The following RBFOX3 variants were observed in gnomAD, a reference collection of about 807,000 sequenced individuals.
The protein encoded by RBFOX3 is RNA binding fox-1 homolog 3.
Under a neutral mutation model 48.7 loss-of-function variants are expected in RBFOX3, and 17 were observed. The ratio of observed to expected loss-of-function variants is 0.35; its 90% confidence interval spans 0.24 to 0.52. The LOEUF (loss-of-function observed/expected upper bound fraction) is 0.52, where lower values mean the gene tolerates loss of function less well. Among genes scored for constraint, RBFOX3 ranks in the 20% least tolerant of loss-of-function variants. The pLI, the probability that RBFOX3 is intolerant of heterozygous loss-of-function variation, is 0.94. For synonymous variants in RBFOX3, 212 were observed against 209.5 expected, an observed-to-expected ratio of 1.01 and a Z score of -0.10; for missense variants, 382 against 497.5, an observed-to-expected ratio of 0.77 and a Z score of 2.21.
At chr17:79,395,623 G>A (rs1468065245) in intron 2 of RBFOX3, among the ~76,000 whole-genome samples, 3 of 152,218 alleles carry the variant, frequency 2.0e-5, no homozygotes, top group African/African-American at 7.2e-5. Flanking sequence ...TGTGTGCCGG[G>A]CACTGATCCA....
intron 1 of RBFOX3, among the ~76,000 whole-genome samples, chr17:79,536,109 C>T (rs1255368657): frequency 1.3e-5 from 2 of 152,200 alleles, no homozygotes; most frequent in African/African-American, 4.8e-5. Context: ...GACACCCTCA[C>T]TCTGTCACCC....
chr17:79,374,160 G>A (rs1286867247), intron 2 of RBFOX3, among the ~76,000 whole-genome samples: 19 of 152,208 alleles, frequency 1.2e-4, no homozygotes, highest in Non-Finnish European at 1.5e-5. Context: ...ACCTCGCCTG[G>A]CTTTGTGATG....
chr17:79,622,150 T>C, the RBFOX3 span, among the ~76,000 whole-genome samples: 1 of 152,030 alleles, frequency 6.6e-6, no homozygotes. Flanking sequence ...TTACTAGGTA[T>C]ACACAGGCTA....
At chr17:79,400,476 T>C (rs1323557051) in intron 2 of RBFOX3, among the ~76,000 whole-genome samples, 2 of 152,202 alleles carry the variant, frequency 1.3e-5, no homozygotes, top group East Asian at 1.9e-4. Flanking sequence ...CATCTTTACC[T>C]GATTACATCC....
At chr17:79,264,973 G>C (rs1014509464) in intron 3 of RBFOX3, among the ~76,000 whole-genome samples, 11 of 151,962 alleles carry the variant, frequency 7.2e-5, no homozygotes, top group African/African-American at 2.4e-4. Context: ...GGAGGGGGGG[G>C]GGGCGCAGAT....
At chr17:79,578,184 C>T (rs1267591393) in intron 1 of RBFOX3, among the ~76,000 whole-genome samples, 2 of 152,230 alleles carry the variant, frequency 1.3e-5, no homozygotes, top group South Asian at 2.1e-4. Flanking sequence ...TTCTCTTACC[C>T]GTGGGGGATT....
chr17:79,636,606 T>C, the RBFOX3 span, among the ~76,000 whole-genome samples: 2 of 152,156 alleles, frequency 1.3e-5, no homozygotes, highest in African/African-American at 4.8e-5. Context: ...TTAAATGGAC[T>C]ATTATAACTA....
At chr17:79,114,212 A>C (rs1349663471) in intron 5 of RBFOX3, among the ~76,000 whole-genome samples, 1 of 152,180 alleles carries the variant, frequency 6.6e-6, no homozygotes, top group Non-Finnish European at 1.5e-5. Flanking sequence ...TTCTAAGCAC[A>C]CACAGGGCGT....
chr17:79,539,274 C>T (rs1254156750), intron 1 of RBFOX3, among the ~76,000 whole-genome samples: 2 of 152,116 alleles, frequency 1.3e-5, no homozygotes, highest in African/African-American at 2.4e-5. Flanking sequence ...ATCACTTGAG[C>T]CCAGGGGGTC....
chr17:79,215,175 C>T (rs2058864232), intron 4 of RBFOX3, among the ~76,000 whole-genome samples: 1 of 152,226 alleles, frequency 6.6e-6, no homozygotes, highest in South Asian at 2.1e-4. Flanking sequence ...GAGGGAGGTG[C>T]TGGCCCCCGC....
At chr17:79,661,802 G>C in the RBFOX3 span, among the ~76,000 whole-genome samples, 9 of 152,224 alleles carry the variant, frequency 5.9e-5, no homozygotes, top group African/African-American at 2.2e-4. Context: ...CCAGTGTCTA[G>C]ATGGCAGTAT....
At chr17:79,496,292 G>A (rs1189693008) in intron 1 of RBFOX3, among the ~76,000 whole-genome samples, 4 of 151,944 alleles carry the variant, frequency 2.6e-5, no homozygotes, top group Non-Finnish European at 5.9e-5. Context: ...CGCTCCTAAA[G>A]GCCCCCCACC....
chr17:79,294,428 A>T (rs1256898056), intron 3 of RBFOX3, among the ~76,000 whole-genome samples: 1 of 152,068 alleles, frequency 6.6e-6, no homozygotes, highest in Non-Finnish European at 1.5e-5. Flanking sequence ...CTCTTGCCTC[A>T]GCCTCCCGAG....
chr17:79,293,447 CCTTCCTTCCTTCCTT>C (rs1407425001), intron 3 of RBFOX3, among the ~76,000 whole-genome samples: 3 of 90,870 alleles, frequency 3.3e-5, no homozygotes, highest in African/African-American at 1.5e-4. Context: ...TTCCTTCCTT[CCTTCCTTCCTTCCTT>C]CCTTCCCTTC....
At chr17:79,474,452 G>A (rs1452121783) in intron 2 of RBFOX3, among the ~76,000 whole-genome samples, 3 of 152,232 alleles carry the variant, frequency 2.0e-5, no homozygotes, top group South Asian at 2.1e-4. Flanking sequence ...TTCCCTCAAC[G>A]GATGGTGACA....
At chr17:79,303,983 G>A (rs200428059) in intron 3 of RBFOX3, among the ~76,000 whole-genome samples, 4 of 152,138 alleles carry the variant, frequency 2.6e-5, no homozygotes, top group African/African-American at 7.2e-5. Context: ...AGCTGCCTGC[G>A]ACTTGGGGTT....
chr17:79,634,452 C>A, the RBFOX3 span, among the ~76,000 whole-genome samples: 1 of 152,182 alleles, frequency 6.6e-6, no homozygotes, highest in Non-Finnish European at 1.5e-5. Flanking sequence ...CTGGGCCAAC[C>A]AACTATGGAC....
intron 4 of RBFOX3, among the ~76,000 whole-genome samples, chr17:79,137,723 G>C (rs1056546372): frequency 6.6e-6 from 1 of 152,236 alleles, no homozygotes; most frequent in East Asian, 1.9e-4. Context: ...TGGAAGAGGC[G>C]AGTGTGGATC....
At chr17:79,612,794 T>A (rs984267391), upstream of RBFOX3, among the ~76,000 whole-genome samples, 4 of 152,192 alleles carry the variant, frequency 2.6e-5, no homozygotes, top group Non-Finnish European at 5.9e-5. Context: ...CAGGCTTTCG[T>A]GGCCTCCAAC....
Sources: gnomAD v4.1 joint callset for allele counts (sites outside exome capture counted in the v4.1 genomes callset) on GRCh38, gnomAD v4.1.1 for gene constraint, MANE v1.5 for transcripts, NCBI Gene and HGNC (gene_info 2026-07-23, HGNC 2026-07-21) for gene names.